The following KIF1A variants were observed in gnomAD, a reference collection of about 807,000 sequenced individuals.
The protein encoded by KIF1A is kinesin-like protein KIF1A.
A neutral mutation model predicts 227.3 loss-of-function variants in KIF1A; 46 were observed. That is an observed-to-expected ratio of 0.20 (90% confidence interval 0.16 to 0.26). The LOEUF (loss-of-function observed/expected upper bound fraction) is 0.26, where lower values mean the gene tolerates loss of function less well. Ranked by LOEUF, KIF1A falls within the 10% of genes least tolerant of loss-of-function variation. The pLI is 1.00. For missense variants in KIF1A, 1,683 were observed against 2,485.9 expected (o/e 0.68, Z 6.87); for synonymous variants, 1,022 against 1,012.8 (o/e 1.01, Z -0.17).
upstream of KIF1A, chr2:240,820,277 C>T (rs1362852876): frequency 6.6e-6 from 1 of 150,486 alleles, no homozygotes; most frequent in South Asian, 2.1e-4. The surrounding 1 kb of genome is among the most constrained non-coding windows in gnomAD (Gnocchi z 6.2). Flanking sequence ...CCGCGCCCCT[C>T]CCGAGGCGCT....
chr2:240,779,182 CCTCA>C lies in KIF1A; in HGVS notation c.883-3260_883-3257del, dbSNP rs1234970957. Among the ~76,000 whole-genome samples, 49 of 147,180 alleles carry C rather than the reference CCTCA, an allele frequency of 3.3e-4. 2 individuals carry two copies. The highest frequency in any genetic ancestry group is 1.5e-5 in the Non-Finnish European group (1 of 67,574). Reference sequence around the variant, plus strand: ...TCCACACTCAGTTCCACACTCAGTCCCTCACTCAGTTCCACACTCAGTTCCTCAC... The same window carrying C: ...TCCACACTCAGTTCCACACTCAGTCCCTCAGTTCCACACTCAGTTCCTCAC... On this transcript the variant is annotated intron_variant, in intron 10 of 48. Transcript: ENST00000498729.
At chr2:240,820,811 G>C (rs1265593187), upstream of KIF1A, among the ~76,000 whole-genome samples, 1 of 151,156 alleles carries the variant, frequency 6.6e-6, no homozygotes, top group African/African-American at 2.4e-5. This position sits in a 1 kb window ranked among gnomAD's most constrained non-coding sequence, Gnocchi z 6.2. Flanking sequence ...CTCCCCGCCG[G>C]ATGATGCAAC....
At chr2:240,813,708 G>A (rs369876071) in intron 1 of KIF1A, among the ~76,000 whole-genome samples, 5 of 146,538 alleles carry the variant, frequency 3.4e-5, no homozygotes, top group East Asian at 4.5e-4. Flanking sequence ...GAACCACTCC[G>A]GGGTGAGCAG....
chr2:240,799,064 C>T (rs1418718947), intron 1 of KIF1A, among the ~76,000 whole-genome samples: 3 of 152,228 alleles, frequency 2.0e-5, no homozygotes, highest in African/African-American at 7.2e-5. Flanking sequence ...CCCCATCCTA[C>T]AGTGCCCCAG....
intron 15 of KIF1A, 30 bp downstream of exon 15, chr2:240,770,941 A>G: frequency 6.2e-7 from 1 of 1,605,798 alleles, no homozygotes; most frequent in Non-Finnish European, 8.5e-7. Context: ...CCAGAGTCTG[A>G]CACCCTGAAG....
intron 5 of KIF1A, among the ~76,000 whole-genome samples, chr2:240,787,001 C>T (rs989010193): frequency 6.6e-6 from 1 of 152,204 alleles, no homozygotes; most frequent in African/African-American, 2.4e-5. Context: ...CTCTGAGGCA[C>T]CTGCCCATGC....
At chr2:240,794,552 G>C (rs2056148455) in intron 2 of KIF1A, among the ~76,000 whole-genome samples, 1 of 152,256 alleles carries the variant, frequency 6.6e-6, no homozygotes, top group Non-Finnish European at 1.5e-5. Context: ...CAGGTCCGCT[G>C]CCGGGATAGA....
Position 240,788,225 on chromosome 2 carries a change from C to A in KIF1A, c.189G>T (p.Glu63Asp). 1 of 1,613,688 alleles carries A rather than the reference C, an allele frequency of 6.2e-7. No homozygotes were observed. The highest frequency in any genetic ancestry group is 8.5e-7 in the Non-Finnish European group (1 of 1,179,826). The change falls in exon 4 of 49, where the codon GAG becomes GAT. Residue 63 changes from glutamate (E) to aspartate (D), a missense_variant. Physicochemically the swap from Glu to Asp is conservative, Grantham distance 45 (BLOSUM62 2). Around this residue, in one of 12 missense-constraint regions of KIF1A, gnomAD observed 71 missense variants for 129.1 expected, o/e 0.55. Transcript: ENST00000498729. The surrounding 1 kb of genome is among the most constrained non-coding windows in gnomAD (Gnocchi z 6.6). Reference protein sequence around the residue: ...DYSYWSHTSPEDINYASQKQV... With the variant: ...DYSYWSHTSPDDINYASQKQV... ...GCTTCTGCGACGCGTAGTTGATGTC[C>A]TCAGGCTGGAGGACGAGGAAGGAAT... is the stretch of plus-strand genomic sequence containing the variant.
intron 29 of KIF1A, 99 bp from the exon 30 acceptor site, chr2:240,746,276 G>C: frequency 2.8e-6 from 4 of 1,437,032 alleles, no homozygotes; most frequent in Non-Finnish European, 3.8e-6. Context: ...GTGCCACCCA[G>C]AGCCTGGGCT....
At chr2:240,817,947 C>A (rs947973251) in intron 1 of KIF1A, among the ~76,000 whole-genome samples, 2 of 152,244 alleles carry the variant, frequency 1.3e-5, no homozygotes, top group African/African-American at 2.4e-5. Flanking sequence ...AGCCAAGCAT[C>A]ATCCCTGGGC....
rs1056050818 is a variant in KIF1A, at chr2:240,715,182, C to T, written c.*2182G>A. On this transcript the variant is annotated 3_prime_UTR_variant, in exon 49 of 49. Transcript: ENST00000498729. ...CCTGCCTCCAGGCAGCGCTGGATGC[C>T]GGAGCAGGTGCTTCTGCAAGAAGCT... The T allele has an allele frequency of 3.3e-5, 5 of 152,576 alleles. No individual in the cohort carries two copies. Among genetic ancestry groups the T allele is most frequent in the Non-Finnish European group, 4.4e-5 (3 of 68,148 alleles). The allele number at this position is 152,576 out of a possible 1,614,324, so 9.5% of individuals were successfully genotyped here.
intron 34 of KIF1A, among the ~76,000 whole-genome samples, chr2:240,741,776 G>A (rs531271774): frequency 3.2e-4 from 48 of 152,226 alleles, no homozygotes; most frequent in African/African-American, 1.1e-3. Context: ...ACCACACCTT[G>A]GCCACAGCCT....
chr2:240,771,295 C>T (rs1000859751), intron 14 of KIF1A, 191 bp from the exon 15 acceptor site: 5 of 706,540 alleles, frequency 7.1e-6, no homozygotes, highest in East Asian at 5.5e-5. Context: ...AAACCATCAA[C>T]GAGGCACAGC....
intron 11 of KIF1A, 140 bp from the exon 12 acceptor site, chr2:240,774,401 C>G (rs1355149455): frequency 4.9e-6 from 2 of 411,776 alleles, no homozygotes; most frequent in Non-Finnish European, 8.6e-6. Context: ...ACCCCCCCCC[C>G]CACCCCCACC....
rs1450951976 is a variant in KIF1A at position 240,743,928 on chromosome 2, C to G, written c.3584+14G>C. ...AGGACAGCAGCCCCGAACCCCCCGACCCAGGGCGCTAACCTGAGCACGTCC... is the reference window on the plus strand; with the variant it reads ...AGGACAGCAGCCCCGAACCCCCCGAGCCAGGGCGCTAACCTGAGCACGTCC... On this transcript the variant is annotated intron_variant, in intron 33 of 48. Transcript: ENST00000498729. 3 of 1,579,356 alleles carry G rather than the reference C, an allele frequency of 1.9e-6. No homozygotes were observed. In the African/African-American group the frequency reaches 4.0e-5, roughly 21 times the overall value.
At chr2:240,724,260 T>C (rs763450202) in intron 40 of KIF1A, 3 of 586,216 alleles carry the variant, frequency 5.1e-6, no homozygotes, top group East Asian at 5.9e-5. Context: ...CAGGTGCCCA[T>C]GGGGCTGTGA....
chr2:240,757,457 C>G lies in KIF1A; in HGVS notation c.2720G>C (p.Gly907Ala). ...ATEPAEEQSV[G>A]EEEEEEEEEE... ...CTCCTCCTCCTCCTCCTCCTCCTCC[C>G]CCACGCTCTGCTCCTCGGCAGGCTC... The change falls in exon 27 of 49, where the codon GGG (glycine) becomes GCG (alanine). Residue 907 changes from glycine (G) to alanine (A), a missense_variant. By Grantham distance (60) the Gly-to-Ala change is moderately conservative. This residue lies in a region of KIF1A where 759 missense variants were observed against 1,020.2 expected (regional missense o/e 0.74). Coordinates refer to ENST00000498729, the MANE Select transcript of KIF1A (RefSeq NM_001244008.2). The surrounding 1 kb of genome is among the most constrained non-coding windows in gnomAD (Gnocchi z 6.2). 21 of 1,547,312 alleles carry G rather than the reference C, an allele frequency of 1.4e-5. No individual in the cohort carries two copies. Among genetic ancestry groups the G allele is most frequent in the Non-Finnish European group, 1.8e-5 (21 of 1,145,686 alleles).
chr2:240,714,751 C>T lies in KIF1A; in HGVS notation c.*2613G>A, dbSNP rs1044407068. ...TCCTGACTCAGGCGGCCTCCTCTCACCATCAACTCTGAGTTTCTGGGTCCT... is the reference window on the plus strand; with the variant it reads ...TCCTGACTCAGGCGGCCTCCTCTCATCATCAACTCTGAGTTTCTGGGTCCT... On this transcript the variant is annotated 3_prime_UTR_variant, in exon 49 of 49. Coordinates refer to ENST00000498729, the MANE Select transcript of KIF1A (RefSeq NM_001244008.2). 3 of 152,360 alleles carry T rather than the reference C, an allele frequency of 2.0e-5. No homozygotes were observed. Among genetic ancestry groups the T allele is most frequent in the African/African-American group, 7.2e-5 (3 of 41,554 alleles). The allele number at this position is 152,360 out of a possible 1,614,324, so 9.4% of individuals were successfully genotyped here.
At chr2:240,800,651 A>T (rs2056889434) in intron 1 of KIF1A, among the ~76,000 whole-genome samples, 1 of 152,244 alleles carries the variant, frequency 6.6e-6, no homozygotes, top group African/African-American at 2.4e-5. Context: ...GAGGTGAACA[A>T]CTAAGATGAA....
Sources: gnomAD v4.1 joint callset for allele counts (sites outside exome capture counted in the v4.1 genomes callset) on GRCh38, gnomAD v4.1.1 for gene constraint, gnomAD v4.1.1 regional missense constraint, Gnocchi (gnomAD v3.1) non-coding constraint, MANE v1.5 for transcripts, NCBI Gene and HGNC (gene_info 2026-07-23, HGNC 2026-07-21) for gene names.